Variants in ANK3 observed in about 807,000 individuals in gnomAD.
The protein encoded by ANK3 is ankyrin-3.
Under a neutral mutation model 370.9 loss-of-function variants are expected in ANK3, and 57 were observed. That is an observed-to-expected ratio of 0.15 (90% CI 0.12 to 0.19). The LOEUF (loss-of-function observed/expected upper bound fraction) is 0.19. Ranked by LOEUF, ANK3 falls within the 10% of genes least tolerant of loss-of-function variation. The pLI is 1.00. For synonymous variants in ANK3, 1,929 were observed against 1,946.3 expected (o/e 0.99, Z 0.23); for missense variants, 4,439 against 5,302.1 (o/e 0.84, Z 5.06).
At chr10:60,238,143 C>G (rs935281188) in intron 7 of ANK3, among the ~76,000 whole-genome samples, 2 of 152,178 alleles carry the variant, frequency 1.3e-5, no homozygotes, top group Admixed American at 6.5e-5. Flanking sequence ...TACCTCAGGG[C>G]CACTCAACGG....
chr10:60,135,798 A>T (rs1391966761), intron 24 of ANK3, among the ~76,000 whole-genome samples: 1 of 152,190 alleles, frequency 6.6e-6, no homozygotes, highest in Non-Finnish European at 1.5e-5. Flanking sequence ...GTATCCTTTT[A>T]TCAAGGTACA....
At chr10:60,670,755 T>C (rs1305812019) in intron 1 of ANK3, among the ~76,000 whole-genome samples, 1 of 152,192 alleles carries the variant, frequency 6.6e-6, no homozygotes, top group Non-Finnish European at 1.5e-5. Context: ...CAAAATAAAA[T>C]GCACTCTCTC....
At chr10:60,530,043 G>A (rs2076568008) in intron 2 of ANK3, among the ~76,000 whole-genome samples, 1 of 152,110 alleles carries the variant, frequency 6.6e-6, no homozygotes, top group Admixed American at 6.6e-5. Context: ...TCTTGAGAAC[G>A]TCTCCCTCTG....
intron 8 of ANK3, among the ~76,000 whole-genome samples, chr10:60,220,833 G>A (rs984536757): frequency 7.9e-5 from 12 of 152,148 alleles, no homozygotes; most frequent in African/African-American, 1.2e-4. Context: ...ATTTGGCTCA[G>A]AATAAATCTA....
chr10:60,425,070 T>G (rs573608250), intron 2 of ANK3, among the ~76,000 whole-genome samples: 1 of 152,048 alleles, frequency 6.6e-6, no homozygotes, highest in East Asian at 1.9e-4. Context: ...ATAGGGTGCT[T>G]GTGGAAATTC....
At chr10:60,681,840 T>C (rs898578428) in intron 1 of ANK3, among the ~76,000 whole-genome samples, 3 of 152,032 alleles carry the variant, frequency 2.0e-5, no homozygotes, top group Non-Finnish European at 4.4e-5. Context: ...AGGACAGGGA[T>C]CTAGAAAATG....
chr10:60,209,004 AAAGAG>A (rs1433385346), intron 9 of ANK3, among the ~76,000 whole-genome samples: 2 of 152,200 alleles, frequency 1.3e-5, no homozygotes, highest in Non-Finnish European at 2.9e-5. Context: ...AAATTCATTT[AAAGAG>A]CAGAGAGAAT....
chr10:60,277,459 G>C (rs778459582), intron 4 of ANK3, among the ~76,000 whole-genome samples: 1 of 152,110 alleles, frequency 6.6e-6, no homozygotes, highest in Non-Finnish European at 1.5e-5. Context: ...TAAACCAAGT[G>C]TTATTTTTCC....
At chr10:60,140,166 T>C in intron 23 of ANK3, 2 of 623,122 alleles carry the variant, frequency 3.2e-6, no homozygotes, top group Non-Finnish European at 2.8e-6. Flanking sequence ...AAACTACCAA[T>C]CAAGTCTAAA....
chr10:60,253,464 C>T (rs72820477), intron 7 of ANK3, among the ~76,000 whole-genome samples: 18,572 of 152,208 alleles, frequency 0.12, 1,281 homozygotes, highest in South Asian at 0.2. Flanking sequence ...TATAAATGGA[C>T]ATCAGATAAA....
At chr10:60,470,547 G>C (rs2065191757) in intron 2 of ANK3, among the ~76,000 whole-genome samples, 1 of 152,138 alleles carries the variant, frequency 6.6e-6, no homozygotes, top group Non-Finnish European at 1.5e-5. Context: ...GTTGACTTGA[G>C]TAGAAGAAAT....
intron 7 of ANK3, among the ~76,000 whole-genome samples, chr10:60,241,554 C>T (rs1352805719): frequency 1.3e-5 from 2 of 152,090 alleles, no homozygotes; most frequent in African/African-American, 4.8e-5. Context: ...GGTGCTTGGC[C>T]AAGACCCCAG....
At position 60,076,031 on chromosome 10, in the gene ANK3, T is replaced by C; in HGVS notation, c.4850A>G (p.Asn1617Ser). The C allele has an allele frequency of 6.2e-7, 1 of 1,614,176 alleles. No homozygotes were observed. The highest frequency in any genetic ancestry group is 1.3e-5 in the African/African-American group (1 of 75,050). ...AGAGGTTCGAGAGGAAAACGTAGAA[T>C]TGGATGCCAGCCCTTTTAAGGGCGT... ...EATPLKGLAS[N>S]STFSSRTSPV... The change falls in exon 37 of 44, where the codon AAT becomes AGT. Residue 1617 changes from asparagine to serine, a missense_variant. Physicochemically the swap from Asn to Ser is conservative, Grantham distance 46. This residue lies in a region of ANK3 where 679 missense variants were observed against 791.0 expected (regional missense o/e 0.86). Coordinates refer to ENST00000280772, the MANE Select transcript of ANK3 (RefSeq NM_020987.5).
At chr10:60,636,164 T>C (rs2133345320) in intron 1 of ANK3, among the ~76,000 whole-genome samples, 1 of 152,332 alleles carries the variant, frequency 6.6e-6, no homozygotes, top group South Asian at 2.1e-4. Flanking sequence ...TATAGCTAAA[T>C]GTTGCTTTTA....
At chr10:60,356,862 C>T (rs2057824808) in intron 1 of ANK3, among the ~76,000 whole-genome samples, 1 of 152,146 alleles carries the variant, frequency 6.6e-6, no homozygotes, top group African/African-American at 2.4e-5. Context: ...GTATGCACCA[C>T]CACGCCTGGC....
At chr10:60,230,714 C>A (rs2097227806) in intron 8 of ANK3, among the ~76,000 whole-genome samples, 1 of 152,022 alleles carries the variant, frequency 6.6e-6, no homozygotes, top group Non-Finnish European at 1.5e-5. Context: ...CACGGTGAAA[C>A]CCCATCTCTA....
At chr10:60,481,228 T>C (rs1478918476) in intron 2 of ANK3, among the ~76,000 whole-genome samples, 1 of 152,208 alleles carries the variant, frequency 6.6e-6, no homozygotes, top group African/African-American at 2.4e-5. Context: ...AATGCTGATC[T>C]TTCTACGTGC....
intron 1 of ANK3, among the ~76,000 whole-genome samples, chr10:60,310,809 A>G (rs2046182277): frequency 6.6e-6 from 1 of 152,216 alleles, no homozygotes; most frequent in Non-Finnish European, 1.5e-5. Flanking sequence ...GTAGAACTAA[A>G]TATCTTCATT....
chr10:60,492,994 G>A (rs2075559732), intron 2 of ANK3, among the ~76,000 whole-genome samples: 2 of 150,670 alleles, frequency 1.3e-5, no homozygotes, highest in Admixed American at 1.3e-4. Flanking sequence ...GCAGGTGAAT[G>A]GTGTGAATCC....
Sources: gnomAD v4.1 joint callset for allele counts (sites outside exome capture counted in the v4.1 genomes callset) on GRCh38, gnomAD v4.1.1 for gene constraint, gnomAD v4.1.1 regional missense constraint, MANE v1.5 for transcripts, NCBI Gene and HGNC (gene_info 2026-07-23, HGNC 2026-07-21) for gene names.